The following EYS variants were observed in gnomAD, a reference collection of about 807,000 sequenced individuals.
EYS encodes the protein EGF-like photoreceptor maintenance factor, also known as protein eyes shut homolog.
In EYS, 250 loss-of-function variants were observed where a neutral mutation model predicts 282.1. That is an observed-to-expected ratio of 0.89 (90% CI 0.80 to 0.98). The LOEUF (loss-of-function observed/expected upper bound fraction) is 0.98, where lower values mean the gene tolerates loss of function less well. Among genes scored for constraint, EYS ranks in the 50% least tolerant of loss-of-function variants. The probability of loss-of-function intolerance (pLI) is 0.00; values close to 1 mark genes in which losing one functional copy is unlikely to be tolerated. For synonymous variants in EYS, 1,355 were observed against 1,282.9 expected, an observed-to-expected ratio of 1.06 and a Z score of -1.20; for missense variants, 4,016 against 3,709.0, an observed-to-expected ratio of 1.08 and a Z score of -2.15.
chr6:63,755,462 G>C (rs1769454605), intron 41 of EYS, among the ~76,000 whole-genome samples: 1 of 152,096 alleles, frequency 6.6e-6, no homozygotes, highest in Admixed American at 6.6e-5. Context: ...TTATTTCTGA[G>C]GCCTCTGTTC....
At chr6:65,524,354 C>G (rs724104) in intron 2 of EYS, among the ~76,000 whole-genome samples, 3 of 151,986 alleles carry the variant, frequency 2.0e-5, no homozygotes, top group Non-Finnish European at 4.4e-5. Context: ...TTGGAACTAA[C>G]GGATTTAGGC....
intron 36 of EYS, among the ~76,000 whole-genome samples, chr6:63,858,828 G>A (rs1772458723): frequency 6.6e-6 from 1 of 152,048 alleles, no homozygotes; most frequent in Non-Finnish European, 1.5e-5. Flanking sequence ...AAAGAGTTAT[G>A]AGCTTAACAT....
At position 64,694,127 on chromosome 6, in the gene EYS, T is replaced by C. The variant is rs939247577; in HGVS notation, c.3444-67882A>G. 3.3e-5 allele frequency among the ~76,000 whole-genome samples: 5 copies of C among 152,224 alleles called. No homozygotes were observed. The East Asian group carries it at 9.7e-4, about 29-fold the overall frequency. ...AAAGTTAAATGATAGTAGCTGAAAA[T>C]TAAAATTGAAAAATAAATCGTTGTT... On this transcript the variant is annotated intron_variant, in intron 22 of 42. Transcript: ENST00000503581.
At chr6:65,001,584 G>A (rs1215423587) in intron 13 of EYS, among the ~76,000 whole-genome samples, 1 of 147,914 alleles carries the variant, frequency 6.8e-6, no homozygotes, top group Non-Finnish European at 1.5e-5. Flanking sequence ...GGAAAAACAG[G>A]AATGCCTGTT....
chr6:65,269,775 C>T (rs776366186), intron 12 of EYS, among the ~76,000 whole-genome samples: 6 of 152,110 alleles, frequency 3.9e-5, no homozygotes, highest in Non-Finnish European at 7.4e-5. Context: ...CATGGCAGAC[C>T]GAGGGCAAGC....
At chr6:64,003,598 T>TA (rs966060064) in intron 33 of EYS, among the ~76,000 whole-genome samples, 17 of 151,808 alleles carry the variant, frequency 1.1e-4, no homozygotes, top group South Asian at 4.2e-4. Flanking sequence ...ACTTAAAAAT[T>TA]AAAAAAAAAT....
intron 26 of EYS, among the ~76,000 whole-genome samples, chr6:64,580,767 A>C (rs1376597122): frequency 1.3e-5 from 2 of 152,162 alleles, no homozygotes; most frequent in African/African-American, 4.8e-5. Flanking sequence ...GAAATTGTCC[A>C]TTTAGAGAGA....
intron 22 of EYS, among the ~76,000 whole-genome samples, chr6:64,792,548 T>C (rs1774223550): frequency 6.6e-6 from 1 of 151,924 alleles, no homozygotes; most frequent in Non-Finnish European, 1.5e-5. Flanking sequence ...TAACATTAAT[T>C]TGGAGTTCTA....
chr6:64,530,684 T>C (rs948997510), intron 26 of EYS, among the ~76,000 whole-genome samples: 3 of 152,140 alleles, frequency 2.0e-5, no homozygotes, highest in Non-Finnish European at 4.4e-5. Flanking sequence ...AGTGACAAGC[T>C]ACTAGGGATA....
intron 33 of EYS, among the ~76,000 whole-genome samples, chr6:64,065,571 C>T (rs1009542320): frequency 4.6e-5 from 7 of 152,180 alleles, no homozygotes; most frequent in South Asian, 2.1e-4. Context: ...AAGACATTTC[C>T]GTTTAACATT....
intron 12 of EYS, among the ~76,000 whole-genome samples, chr6:65,201,583 T>A (rs1349662882): frequency 6.6e-6 from 1 of 152,176 alleles, no homozygotes; most frequent in Admixed American, 6.6e-5. Context: ...CTAATTATTA[T>A]CCATTGCTGC....
intron 5 of EYS, among the ~76,000 whole-genome samples, chr6:65,483,032 T>C (rs1765660936): frequency 6.6e-6 from 1 of 152,184 alleles, no homozygotes; most frequent in African/African-American, 2.4e-5. Flanking sequence ...ATCTTATAGT[T>C]ATAAAATTTG....
At chr6:64,863,549 G>A (rs1348402537) in intron 19 of EYS, among the ~76,000 whole-genome samples, 1 of 152,024 alleles carries the variant, frequency 6.6e-6, no homozygotes, top group Non-Finnish European at 1.5e-5. Flanking sequence ...TTTAAAAATC[G>A]TTCAGTTTGA....
At chr6:64,596,333 A>G (rs1400643519) in intron 24 of EYS, among the ~76,000 whole-genome samples, 2 of 152,188 alleles carry the variant, frequency 1.3e-5, no homozygotes, top group Admixed American at 6.5e-5. Context: ...CAAAAGACCA[A>G]TGATATTTTT....
At chr6:64,157,820 T>C (rs930076683) in intron 31 of EYS, among the ~76,000 whole-genome samples, 1 of 152,222 alleles carries the variant, frequency 6.6e-6, no homozygotes, top group Non-Finnish European at 1.5e-5. Context: ...GCGGCACTAA[T>C]GGAGGACCTC....
chr6:65,081,972 G>A (rs1774241691), intron 12 of EYS, among the ~76,000 whole-genome samples: 1 of 152,002 alleles, frequency 6.6e-6, no homozygotes, highest in Admixed American at 6.6e-5. Context: ...GGTGCAAGGT[G>A]TATTCTCAGT....
At chr6:65,044,751 C>T (rs1773049100) in intron 13 of EYS, among the ~76,000 whole-genome samples, 1 of 151,802 alleles carries the variant, frequency 6.6e-6, no homozygotes, top group Non-Finnish European at 1.5e-5. Flanking sequence ...AATTGAGATT[C>T]CCTATGTGTG....
Position 64,436,203 on chromosome 6 carries a change from G to C in EYS, c.5898C>G (p.Asp1966Glu). Residue 1966 changes from aspartate (D) to glutamate (E), a missense_variant, in exon 28 of 43, where the codon GAC (aspartate) becomes GAG (glutamate). Coordinates refer to ENST00000503581, the MANE Select transcript of EYS (RefSeq NM_001142800.2). Reference protein sequence around the residue: ...FKSINTTVRVDNGQKYTLLIR... With the variant: ...FKSINTTVRVENGQKYTLLIR... The stretch of plus-strand genomic sequence containing the variant: ...TAAGCAGTGTATACTTTTGCCCGTT[G>C]TCCACTCTAACAGTAGTATTAATGC... The C allele has an allele frequency of 6.5e-7, 1 of 1,543,482 alleles. No individual in the cohort carries two copies. The highest frequency in any genetic ancestry group is 2.5e-5 in the East Asian group (1 of 40,690).
intron 5 of EYS, among the ~76,000 whole-genome samples, chr6:65,471,712 T>C (rs1453769948): frequency 1.3e-5 from 2 of 152,152 alleles, no homozygotes; most frequent in African/African-American, 4.8e-5. Flanking sequence ...TTTTTTCTCT[T>C]CTATGAATCA....
Sources: gnomAD v4.1 joint callset for allele counts (sites outside exome capture counted in the v4.1 genomes callset) on GRCh38, gnomAD v4.1.1 for gene constraint, MANE v1.5 for transcripts, NCBI Gene and HGNC (gene_info 2026-07-23, HGNC 2026-07-21) for gene names.